Variants in ADAMTS12 observed in about 807,000 individuals in gnomAD.
ADAMTS12 encodes the protein A disintegrin and metalloproteinase with thrombospondin motifs 12.
ADAMTS12 carries 118 observed loss-of-function variants against 167.8 expected under a neutral mutation model. The ratio of observed to expected loss-of-function variants is 0.70; its 90% CI spans 0.61 to 0.82. The LOEUF is 0.82. Ranked by LOEUF, ADAMTS12 falls within the 40% of genes least tolerant of loss-of-function variation. ADAMTS12 has a pLI of 0.00. For synonymous variants in ADAMTS12, 704 were observed against 716.9 expected, an observed-to-expected ratio of 0.98 and a Z score of 0.29; for missense variants, 1,916 against 1,998.8, an observed-to-expected ratio of 0.96 and a Z score of 0.79.
intron 2 of ADAMTS12, among the ~76,000 whole-genome samples, chr5:33,879,791 C>T (rs1750364101): frequency 6.6e-6 from 1 of 152,186 alleles, no homozygotes; most frequent in Non-Finnish European, 1.5e-5. Context: ...TCACAGTATT[C>T]TAGCAAAGCC....
At chr5:33,816,044 G>C (rs1422524095) in intron 2 of ADAMTS12, among the ~76,000 whole-genome samples, 1 of 152,124 alleles carries the variant, frequency 6.6e-6, no homozygotes, top group African/African-American at 2.4e-5. Context: ...ACCCAGGTCT[G>C]GTCCTGCCAT....
intron 2 of ADAMTS12, 110 bp from the exon 3 acceptor site, chr5:33,751,658 G>A: frequency 9.5e-7 from 1 of 1,048,460 alleles, no homozygotes; most frequent in South Asian, 1.6e-5. Flanking sequence ...CCTAAGACCA[G>A]TGCTTTCAGA....
intron 2 of ADAMTS12, among the ~76,000 whole-genome samples, chr5:33,874,589 A>C (rs1372285646): frequency 6.6e-6 from 1 of 152,242 alleles, no homozygotes; most frequent in Admixed American, 6.5e-5. Flanking sequence ...ATATTTACCT[A>C]AATGAGTTGA....
intron 2 of ADAMTS12, among the ~76,000 whole-genome samples, chr5:33,831,231 C>G (rs1748287839): frequency 6.6e-6 from 1 of 152,212 alleles, no homozygotes; most frequent in African/African-American, 2.4e-5. Context: ...ATCCTATGAA[C>G]TGCTACAATT....
At position 33,695,382 on chromosome 5, in the gene ADAMTS12, GAATA is replaced by G. The variant is rs1197055661; in HGVS notation, c.635-11331_635-11328del. Among the ~76,000 whole-genome samples the G allele has an allele frequency of 3.9e-5, 6 of 152,012 alleles. No individual in the cohort carries two copies. In the South Asian group the frequency reaches 1.0e-3, roughly 26 times the overall value. ...CATTCTCTTTTTTAAAGAGAGAGGG[GAATA>G]AATAGAGACAGAGAGAGAGAGATCA... On this transcript the variant is annotated intron_variant, in intron 3 of 23. Transcript: ENST00000504830.
At chr5:33,621,834 A>G (rs1027520057) in intron 14 of ADAMTS12, among the ~76,000 whole-genome samples, 2 of 152,214 alleles carry the variant, frequency 1.3e-5, no homozygotes, top group Non-Finnish European at 2.9e-5. Context: ...CAGGCTCACA[A>G]ACCACAGAGT....
At chr5:33,791,205 T>C (rs1579939040) in intron 2 of ADAMTS12, among the ~76,000 whole-genome samples, 1 of 152,188 alleles carries the variant, frequency 6.6e-6, no homozygotes, top group African/African-American at 2.4e-5. Context: ...CTGGTAGTTA[T>C]TGAGTTGGAT....
chr5:33,827,361 G>A (rs977673931), intron 2 of ADAMTS12, among the ~76,000 whole-genome samples: 1 of 151,912 alleles, frequency 6.6e-6, no homozygotes, highest in Non-Finnish European at 1.5e-5. Context: ...TCCTACAGCT[G>A]CAAAGAACTG....
At chr5:33,821,079 G>A (rs909298811) in intron 2 of ADAMTS12, among the ~76,000 whole-genome samples, 1 of 152,128 alleles carries the variant, frequency 6.6e-6, no homozygotes, top group Non-Finnish European at 1.5e-5. Context: ...CATGACACAA[G>A]TCTACCTGTG....
intron 3 of ADAMTS12, among the ~76,000 whole-genome samples, chr5:33,718,805 C>G (rs1006665984): frequency 3.9e-5 from 6 of 152,148 alleles, no homozygotes; most frequent in African/African-American, 1.4e-4. Flanking sequence ...TAGTGCAGTA[C>G]AGCAGTGCAC....
chr5:33,559,852 C>A (rs962236428), intron 20 of ADAMTS12, among the ~76,000 whole-genome samples: 1 of 152,018 alleles, frequency 6.6e-6, no homozygotes, highest in East Asian at 1.9e-4. Context: ...TGCATTTCAG[C>A]CTGGGTGACA....
chr5:33,685,819 A>G (rs116080982), intron 3 of ADAMTS12, among the ~76,000 whole-genome samples: 3,873 of 152,238 alleles, frequency 0.025, 66 homozygotes, highest in Middle Eastern at 0.054. Flanking sequence ...AAGAAATGTC[A>G]AGATTTTATC....
chr5:33,803,452 A>G (rs1413893146), intron 2 of ADAMTS12, among the ~76,000 whole-genome samples: 1 of 152,276 alleles, frequency 6.6e-6, no homozygotes, highest in East Asian at 1.9e-4. Flanking sequence ...ACTGGCCTGA[A>G]CCATTCTGGT....
chr5:33,624,343 G>GCCAA lies in ADAMTS12; in HGVS notation c.2027_2030dup (p.Cys678TrpfsTer3). 6.2e-7 allele frequency: 1 copy of GCCAA among 1,614,012 alleles called. No homozygotes were observed. On this transcript the variant is annotated frameshift_variant, in exon 14 of 24. Coordinates refer to ENST00000504830, the MANE Select transcript of ADAMTS12 (RefSeq NM_030955.4). LOFTEE classifies it high-confidence loss of function. ...CATTGGAATCGATCTCATAGTCACA[G>GCCAA]CCAACCATCTGTGGGGAAGAGAGGT...
chr5:33,533,899 C>T (rs78397484), intron 23 of ADAMTS12, among the ~76,000 whole-genome samples: 1 of 152,238 alleles, frequency 6.6e-6, no homozygotes, highest in Non-Finnish European at 1.5e-5. Flanking sequence ...ATCTACTCAG[C>T]TGCCCAAGTC....
intron 16 of ADAMTS12, among the ~76,000 whole-genome samples, chr5:33,612,712 T>A (rs1738787792): frequency 6.6e-6 from 1 of 152,146 alleles, no homozygotes; most frequent in South Asian, 2.1e-4. Context: ...TAAATTGCCT[T>A]CACCTAACTC....
chr5:33,685,654 T>C (rs1431050402), intron 3 of ADAMTS12, among the ~76,000 whole-genome samples: 1 of 152,226 alleles, frequency 6.6e-6, no homozygotes, highest in African/African-American at 2.4e-5. Flanking sequence ...TACTTCAATA[T>C]AACACTTCTG....
At chr5:33,823,309 C>T (rs569413765) in intron 2 of ADAMTS12, among the ~76,000 whole-genome samples, 19 of 152,278 alleles carry the variant, frequency 1.2e-4, no homozygotes, top group Non-Finnish European at 7.4e-5. Flanking sequence ...AAAATTGGCA[C>T]ATGCTTTATA....
chr5:33,845,625 C>T (rs1185604162), intron 2 of ADAMTS12, among the ~76,000 whole-genome samples: 1 of 152,078 alleles, frequency 6.6e-6, no homozygotes, highest in East Asian at 1.9e-4. Flanking sequence ...AAGCATTTTC[C>T]CTCAAATGTA....
Sources: allele counts gnomAD v4.1 joint callset (sites outside exome capture counted in the v4.1 genomes callset), GRCh38; gene constraint gnomAD v4.1.1; transcripts MANE v1.5; gene names NCBI Gene and HGNC (gene_info 2026-07-23, HGNC 2026-07-21).